C2orf92: variants seen among roughly 807,000 people sequenced by gnomAD.
C2orf92 encodes uncharacterized protein C2orf92.
chr2:97,698,687 C>T (rs1010077676), intron 5 of C2orf92, among the ~76,000 whole-genome samples: 1 of 152,144 alleles, frequency 6.6e-6, no homozygotes, highest in Non-Finnish European at 1.5e-5. Flanking sequence ...CATACGCATT[C>T]CCAGGCCTAC....
chr2:97,681,252 C>T (rs1675763199), intron 3 of C2orf92, among the ~76,000 whole-genome samples: 1 of 151,494 alleles, frequency 6.6e-6, no homozygotes, highest in African/African-American at 2.4e-5. Context: ...GTATTCTTCT[C>T]AAGAGCATAT....
At chr2:97,685,879 T>A (rs924323315) in intron 3 of C2orf92, among the ~76,000 whole-genome samples, 2 of 152,156 alleles carry the variant, frequency 1.3e-5, no homozygotes, top group African/African-American at 2.4e-5. Flanking sequence ...GCTATTTTTT[T>A]AAAAAGAAAA....
chr2:97,695,974 G>T (rs540895659), intron 5 of C2orf92, among the ~76,000 whole-genome samples: 1 of 152,206 alleles, frequency 6.6e-6, no homozygotes, highest in Admixed American at 6.5e-5. Flanking sequence ...CCCCCATGAG[G>T]TTGCAGTCAA....
intron 3 of C2orf92, among the ~76,000 whole-genome samples, chr2:97,683,164 T>G (rs959803289): frequency 1.3e-4 from 20 of 149,752 alleles, no homozygotes; most frequent in African/African-American, 4.7e-4. Flanking sequence ...GGGTACAAAT[T>G]GAACACACAA....
chr2:97,685,587 A>G (rs756874831), intron 3 of C2orf92, among the ~76,000 whole-genome samples: 10 of 145,774 alleles, frequency 6.9e-5, no homozygotes, highest in Non-Finnish European at 1.1e-4. Context: ...TTTTGAGACA[A>G]AGTCTTGCTC....
chr2:97,667,519 G>A (rs1250459436), upstream of C2orf92, among the ~76,000 whole-genome samples: 4 of 145,812 alleles, frequency 2.7e-5, no homozygotes, highest in Non-Finnish European at 6.0e-5. Flanking sequence ...TGCAAGCTCC[G>A]CCTCCCGGGT....
At chr2:97,674,796 C>T (rs1203914274) in intron 2 of C2orf92, among the ~76,000 whole-genome samples, 2 of 152,172 alleles carry the variant, frequency 1.3e-5, no homozygotes, top group African/African-American at 4.8e-5. Context: ...CCCTGACGTG[C>T]AGTGTCAGGC....
At position 97,686,681 on chromosome 2, in the gene C2orf92, G is replaced by T. The variant is rs531005038; in HGVS notation, c.233-2214G>T. On this transcript the variant is annotated intron_variant, in intron 3 of 7. Coordinates refer to ENST00000627399, the MANE Select transcript of C2orf92 (RefSeq NM_001351368.2). ...GATCTGCCCACCTCGGCCTCCCAAA[G>T]TGTTGGGATTACAGGCATGAGCCAC... Among the ~76,000 whole-genome samples, 183 of 151,332 alleles carry T rather than the reference G, an allele frequency of 1.2e-3. 2 individuals carry two copies. The highest frequency in any genetic ancestry group is 2.0e-3 in the Non-Finnish European group (139 of 67,812).
At chr2:97,677,437 A>G (rs576697237) in intron 3 of C2orf92, 7 of 152,228 alleles carry the variant, frequency 4.6e-5, no homozygotes, top group Non-Finnish European at 1.0e-4. Flanking sequence ...GGAAACTTTT[A>G]TCAGGTCATT....
chr2:97,685,124 T>G lies in C2orf92; in HGVS notation c.233-3771T>G, dbSNP rs1412763830. Reference sequence around the variant, plus strand: ...TTTTGTATTTTTAGTAGAGACAGGGTTTCACTGTGTTAGCCAGGATGGTCT... The same window carrying G: ...TTTTGTATTTTTAGTAGAGACAGGGGTTCACTGTGTTAGCCAGGATGGTCT... On this transcript the variant is annotated intron_variant, in intron 3 of 7. Transcript: ENST00000627399. Among the ~76,000 whole-genome samples, 4 of 151,212 alleles carry G rather than the reference T, an allele frequency of 2.6e-5. No individual in the cohort carries two copies. In the East Asian group the frequency reaches 7.8e-4, roughly 29 times the overall value.
intron 5 of C2orf92, among the ~76,000 whole-genome samples, chr2:97,691,708 G>A (rs1015776136): frequency 2.0e-5 from 3 of 152,142 alleles, no homozygotes; most frequent in African/African-American, 7.2e-5. Context: ...AATGGGAAGA[G>A]CTTATTAAAA....
intron 3 of C2orf92, among the ~76,000 whole-genome samples, chr2:97,685,878 T>C (rs550708541): frequency 3.0e-3 from 453 of 152,274 alleles, no homozygotes; most frequent in Admixed American, 6.3e-3. Context: ...GGCTATTTTT[T>C]TAAAAAGAAA....
chr2:97,664,169 A>G (rs1054571786), upstream of C2orf92: 3 of 211,572 alleles, frequency 1.4e-5, no homozygotes, highest in South Asian at 1.8e-4. Context: ...GTCGTCCGGA[A>G]AAAAGTGGTC....
intron 3 of C2orf92, among the ~76,000 whole-genome samples, chr2:97,680,748 A>G (rs1386791095): frequency 6.6e-6 from 1 of 152,102 alleles, no homozygotes; most frequent in Non-Finnish European, 1.5e-5. Context: ...AACACGGTGA[A>G]ACCCCATCTC....
chr2:97,664,874 C>T (rs571008791), upstream of C2orf92: 2 of 152,308 alleles, frequency 1.3e-5, no homozygotes, highest in East Asian at 3.9e-4. Context: ...TGCGCACGGC[C>T]CCATAATATT....
At chr2:97,672,045 T>C (rs1354449705) in intron 1 of C2orf92, among the ~76,000 whole-genome samples, 1 of 152,180 alleles carries the variant, frequency 6.6e-6, no homozygotes, top group Non-Finnish European at 1.5e-5. Context: ...CCCAGGGAAG[T>C]CTTTAGCAGA....
At chr2:97,666,736 C>T (rs1675242616), upstream of C2orf92, among the ~76,000 whole-genome samples, 1 of 149,422 alleles carries the variant, frequency 6.7e-6, no homozygotes, top group African/African-American at 2.5e-5. Flanking sequence ...CCAGCTACTC[C>T]AGAGGCTGAG....
chr2:97,663,962 CCGGGACGG>C (rs1376426544), upstream of C2orf92: 1 of 875,358 alleles, frequency 1.1e-6, no homozygotes, highest in Admixed American at 4.7e-5. Flanking sequence ...GGCGGGAGGA[CCGGGACGG>C]CGGCGGCTCC....
At chr2:97,671,594 G>T (rs1293144040) in intron 1 of C2orf92, 1 of 398,036 alleles carries the variant, frequency 2.5e-6, no homozygotes, top group Non-Finnish European at 4.4e-6. Flanking sequence ...TCCCGCTGCT[G>T]TGAAGGGAAG....
Sources: gnomAD v4.1 joint callset for allele counts (sites outside exome capture counted in the v4.1 genomes callset) on GRCh38, gnomAD v4.1.1 for gene constraint, MANE v1.5 for transcripts, NCBI Gene and HGNC (gene_info 2026-07-23, HGNC 2026-07-21) for gene names.